Variants in PCSK5 observed in about 807,000 individuals in gnomAD.
PCSK5 encodes proprotein convertase subtilisin/kexin type 5.
In PCSK5, 129 loss-of-function variants were observed where a neutral mutation model predicts 233.2. The ratio of observed to expected loss-of-function variants is 0.55; its 90% CI spans 0.48 to 0.64. The LOEUF is 0.64. Ranked by LOEUF, PCSK5 falls within the 30% of genes least tolerant of loss-of-function variation. The pLI is 0.00. For synonymous variants in PCSK5, 825 were observed against 879.2 expected (o/e 0.94, Z 1.09); for missense variants, 2,076 against 2,430.1 (o/e 0.85, Z 3.06).
At chr9:76,018,782 T>C (rs1292331389) in intron 3 of PCSK5, among the ~76,000 whole-genome samples, 1 of 152,228 alleles carries the variant, frequency 6.6e-6, no homozygotes, top group Admixed American at 6.5e-5. Flanking sequence ...AAGGAAAAAG[T>C]AGGTCTCTAA....
At position 76,239,125 on chromosome 9, in the gene PCSK5, G is replaced by A. The variant is rs61747961; in HGVS notation, c.3033G>A (p.Ala1011=). 0.011 allele frequency: 16,935 copies of A among 1,597,886 alleles called. 117 individuals are homozygous for A. The highest frequency in any genetic ancestry group is 0.012 in the Non-Finnish European group (13,954 of 1,172,622). ...CTRCMKGYFI[A]PTNHTCQKLE... ...GATGCATGAAGGGCTACTTCATAGC[G>A]CCCACCAACCACACATGCCAGAAGT... is the stretch of plus-strand genomic sequence containing the variant. The change falls in exon 23 of 38, where the codon GCG becomes GCA. Residue 1011 remains alanine (A), a synonymous_variant. Coordinates refer to ENST00000674117, the MANE Select transcript of PCSK5 (RefSeq NM_001372043.1).
chr9:76,268,895 G>A (rs1827422169), intron 24 of PCSK5, among the ~76,000 whole-genome samples: 1 of 152,200 alleles, frequency 6.6e-6, no homozygotes, highest in African/African-American at 2.4e-5. Flanking sequence ...CACCAGGCTA[G>A]TGATCAGTAA....
At chr9:76,257,849 G>A (rs561912499) in intron 24 of PCSK5, among the ~76,000 whole-genome samples, 13 of 152,172 alleles carry the variant, frequency 8.5e-5, no homozygotes, top group African/African-American at 1.9e-4. Flanking sequence ...TTTTTTCCTC[G>A]CAGCTGTGCC....
At chr9:75,976,004 G>A (rs1349537987) in intron 2 of PCSK5, among the ~76,000 whole-genome samples, 1 of 152,052 alleles carries the variant, frequency 6.6e-6, no homozygotes, top group African/African-American at 2.4e-5. Flanking sequence ...TTAACCCCAG[G>A]TGGCATTCAG....
chr9:76,131,538 C>T (rs1313020384), intron 9 of PCSK5, among the ~76,000 whole-genome samples: 2 of 152,110 alleles, frequency 1.3e-5, no homozygotes, highest in Admixed American at 6.6e-5. Flanking sequence ...ATTACAAGCA[C>T]TCCAAGAACT....
intron 18 of PCSK5, 64 bp downstream of exon 18, chr9:76,188,739 G>A: frequency 1.6e-6 from 2 of 1,216,242 alleles, no homozygotes; most frequent in Non-Finnish European, 2.4e-6. Flanking sequence ...TCTGGTTTGG[G>A]CCATCACTCA....
chr9:76,218,864 C>T (rs995967388), intron 20 of PCSK5, among the ~76,000 whole-genome samples: 1 of 152,168 alleles, frequency 6.6e-6, no homozygotes, highest in Non-Finnish European at 1.5e-5. Flanking sequence ...ACCTTGATTC[C>T]TGTCTTTATT....
Position 76,240,809 on chromosome 9 carries a change from C to T in PCSK5, c.3142+125C>T, listed in dbSNP as rs777165516. ...CTGTCAGCCTCAGTGACACCATCAA[C>T]GTCTTAAGTAGGCTTTCTTCAATAC... On this transcript the variant is annotated intron_variant, in intron 24 of 37. Transcript: ENST00000674117. The T allele has an allele frequency of 3.5e-5, 24 of 678,698 alleles. 1 individual carries two copies. The Middle Eastern group carries it at 3.1e-3, about 88-fold the overall frequency. The allele number at this position is 678,698 out of a possible 1,614,324, so 42.0% of individuals were successfully genotyped here. A position where few individuals can be genotyped will look rare whatever the true frequency, so the allele number is the denominator to read the frequency against.
At chr9:75,900,961 G>A (rs977151919) in intron 1 of PCSK5, among the ~76,000 whole-genome samples, 3 of 152,004 alleles carry the variant, frequency 2.0e-5, no homozygotes, top group Non-Finnish European at 4.4e-5. Flanking sequence ...CAGTGAGCAC[G>A]TGGGCAGGGG....
At chr9:75,928,607 A>ATGTATATATATG (rs1265526663) in intron 1 of PCSK5, among the ~76,000 whole-genome samples, 3 of 101,522 alleles carry the variant, frequency 3.0e-5, no homozygotes, top group African/African-American at 1.5e-4. Flanking sequence ...ATATATATAT[A>ATGTATATATATG]TATATATATA....
intron 8 of PCSK5, among the ~76,000 whole-genome samples, chr9:76,102,887 T>C (rs1028711458): frequency 5.3e-5 from 8 of 152,232 alleles, no homozygotes; most frequent in Non-Finnish European, 1.0e-4. Flanking sequence ...CAAATAAATA[T>C]TGTGCCTCTT....
intron 28 of PCSK5, among the ~76,000 whole-genome samples, chr9:76,304,009 T>C (rs952549356): frequency 1.3e-5 from 2 of 152,098 alleles, no homozygotes; most frequent in African/African-American, 4.8e-5. Flanking sequence ...CCATCTTTAC[T>C]AAAAATACAA....
intron 30 of PCSK5, 137 bp downstream of exon 30, chr9:76,310,988 T>C: frequency 1.6e-6 from 1 of 607,078 alleles, no homozygotes; most frequent in Non-Finnish European, 2.8e-6. Flanking sequence ...TTGACTGACA[T>C]GGGTGTGCGC....
intron 3 of PCSK5, among the ~76,000 whole-genome samples, chr9:75,989,702 C>T (rs1349307459): frequency 2.0e-5 from 3 of 152,130 alleles, no homozygotes; most frequent in Non-Finnish European, 4.4e-5. Flanking sequence ...CACCACAGGG[C>T]TGTGTGAATG....
intron 20 of PCSK5, chr9:76,194,759 C>G (rs1428845446): frequency 2.1e-6 from 1 of 466,394 alleles, no homozygotes. Flanking sequence ...TTTAGGGGAG[C>G]CTAGACTGAT....
chr9:76,206,725 AC>A (rs1279160786), intron 20 of PCSK5, among the ~76,000 whole-genome samples: 1 of 152,168 alleles, frequency 6.6e-6, no homozygotes, highest in Non-Finnish European at 1.5e-5. Flanking sequence ...TTCATCCAAA[AC>A]CACACAGCTA....
Position 76,202,630 on chromosome 9 carries a change from C to G in PCSK5, c.2626+12884C>G, listed in dbSNP as rs981257906. On this transcript the variant is annotated intron_variant, in intron 20 of 37. Transcript: ENST00000674117. ...TTCTGCCCTGCACCCTAGAACACCC[C>G]CACACATCACTCCCCCTCCTTTAAT... Among the ~76,000 whole-genome samples, 7 of 152,012 alleles carry G rather than the reference C, an allele frequency of 4.6e-5. 1 individual carries two copies. The South Asian group carries it at 6.2e-4, about 13-fold the overall frequency.
intron 3 of PCSK5, among the ~76,000 whole-genome samples, chr9:76,016,927 G>C (rs1418004115): frequency 6.6e-6 from 1 of 152,168 alleles, no homozygotes; most frequent in Non-Finnish European, 1.5e-5. Context: ...ATATCTTGTA[G>C]ATCACAGCCT....
intron 1 of PCSK5, among the ~76,000 whole-genome samples, chr9:75,928,633 ATATAT>A (rs1263695183): frequency 2.2e-5 from 3 of 133,686 alleles, no homozygotes; most frequent in African/African-American, 8.6e-5. Context: ...ATATATATAT[ATATAT>A]AATCCTAGAA....
Sources: allele counts gnomAD v4.1 joint callset (sites outside exome capture counted in the v4.1 genomes callset), GRCh38; gene constraint gnomAD v4.1.1; transcripts MANE v1.5; gene names NCBI Gene and HGNC (gene_info 2026-07-23, HGNC 2026-07-21).